The following DERA variants were observed in gnomAD, a reference collection of about 807,000 sequenced individuals.
DERA encodes the protein 2-deoxy-D-ribose 5-phosphate aldolase.
DERA carries 15 observed loss-of-function variants against 41.1 expected under a neutral mutation model. The observed-to-expected ratio is 0.37, with a 90% CI of 0.24 to 0.56. The LOEUF is 0.56. Among genes scored for constraint, DERA ranks in the 20% least tolerant of loss-of-function variants. The pLI is 0.81. For missense variants in DERA, 396 were observed against 403.4 expected, an observed-to-expected ratio of 0.98 and a Z score of 0.16; for synonymous variants, 139 against 137.4, an observed-to-expected ratio of 1.01 and a Z score of -0.08.
At chr12:15,930,960 A>C (rs554765346) in intron 1 of DERA, among the ~76,000 whole-genome samples, 1 of 152,224 alleles carries the variant, frequency 6.6e-6, no homozygotes, top group South Asian at 2.1e-4. Context: ...TTTCAGGAAA[A>C]ATAGGTACAG....
At chr12:15,977,631 T>C (rs1046475310) in intron 5 of DERA, among the ~76,000 whole-genome samples, 6 of 152,112 alleles carry the variant, frequency 3.9e-5, no homozygotes, top group African/African-American at 1.4e-4. Context: ...ATTTTTTGCA[T>C]TTTTTTAGTA....
intron 6 of DERA, among the ~76,000 whole-genome samples, chr12:16,024,654 C>A (rs1949041448): frequency 6.6e-6 from 1 of 152,172 alleles, no homozygotes; most frequent in African/African-American, 2.4e-5. Context: ...TGTATTTTAG[C>A]TCTGTCAGCT....
chr12:16,010,642 T>G lies in DERA; in HGVS notation c.638-21900T>G, dbSNP rs369107016. ...ATGAACAGAAGGAGAGAGGCTGCAT[T>G]GTCTCTATAAGTGGTTAGTAAGTGG... On this transcript the variant is annotated intron_variant, in intron 6 of 8. Transcript: ENST00000428559. This position sits in a 1 kb window ranked among gnomAD's most constrained non-coding sequence, Gnocchi z 5.5. Among the ~76,000 whole-genome samples, 1 of 152,042 alleles carries G rather than the reference T, an allele frequency of 6.6e-6. No homozygotes were observed. The highest frequency in any genetic ancestry group is 1.9e-4 in the East Asian group (1 of 5,180).
intron 6 of DERA, among the ~76,000 whole-genome samples, chr12:16,007,175 G>GT (rs760931310): frequency 0.018 from 2,329 of 128,238 alleles, 9 homozygotes; most frequent in East Asian, 0.053. Context: ...GGGTTTTTTT[G>GT]TTTTTTTTTT....
At position 15,996,328 on chromosome 12, in the gene DERA, G is replaced by A. The variant is rs1948837475; in HGVS notation, c.637+13892G>A. The stretch of plus-strand genomic sequence containing the variant: ...TTAGATGGCCTTAAGCAACAGAAAT[G>A]TGTTCTTAAGGTTCTGGAGGCCAGA... On this transcript the variant is annotated intron_variant, in intron 6 of 8. Coordinates refer to ENST00000428559, the MANE Select transcript of DERA (RefSeq NM_015954.4). The surrounding 1 kb of genome is among the most constrained non-coding windows in gnomAD (Gnocchi z 4.7). 6.6e-6 allele frequency among the ~76,000 whole-genome samples: 1 copy of A among 152,088 alleles called. No homozygotes were observed. The highest frequency in any genetic ancestry group is 1.5e-5 in the Non-Finnish European group (1 of 68,016).
intron 1 of DERA, among the ~76,000 whole-genome samples, chr12:15,914,552 T>G (rs993996834): frequency 6.6e-6 from 1 of 152,176 alleles, no homozygotes; most frequent in Non-Finnish European, 1.5e-5. Context: ...GTAAGTATTA[T>G]TAAGATTCAG....
chr12:16,028,325 G>T (rs144013732), intron 6 of DERA, among the ~76,000 whole-genome samples: 2 of 152,316 alleles, frequency 1.3e-5, no homozygotes, highest in African/African-American at 4.8e-5. Context: ...AGCTGGAACC[G>T]TGTGAACAAT....
intron 1 of DERA, among the ~76,000 whole-genome samples, chr12:15,948,634 G>A (rs1315523316): frequency 6.6e-6 from 1 of 152,008 alleles, no homozygotes; most frequent in African/African-American, 2.4e-5. Flanking sequence ...TCTTCTTTGC[G>A]ACTGGTCGAA....
rs1241471028 is a variant in DERA, at chr12:16,024,075, C to T, written c.638-8467C>T. Among the ~76,000 whole-genome samples the T allele has an allele frequency of 2.0e-5, 3 of 151,970 alleles. No homozygotes were observed. The East Asian group carries it at 5.8e-4, about 29-fold the overall frequency. ...AAAATCAGTGACCTTAAAGATAGGT[C>T]AATAGAAACTTCTTAAACTGAAATG... On this transcript the variant is annotated intron_variant, in intron 6 of 8. Transcript: ENST00000428559.
rs11056713 is a variant in DERA, at chr12:15,918,642, C to T, written c.31+7228C>T. The stretch of plus-strand genomic sequence containing the variant: ...TGCTGTTCCTGGCACTTGTTACTTG[C>T]TGCTCATGGTCATGGCAGGGATGCC... On this transcript the variant is annotated intron_variant, in intron 1 of 8. Coordinates refer to ENST00000428559, the MANE Select transcript of DERA (RefSeq NM_015954.4). This position sits in a 1 kb window ranked among gnomAD's most constrained non-coding sequence, Gnocchi z 4.3. 0.083 allele frequency among the ~76,000 whole-genome samples: 12,703 copies of T among 152,224 alleles called. 1,766 individuals are homozygous for T. Among genetic ancestry groups the T allele is most frequent in the African/African-American group, 0.28 (11,792 of 41,480 alleles).
rs772254401 is a variant in DERA, at chr12:15,924,923, C to T, written c.31+13509C>T. ...GCTTGAGGGTAGGATCTGTGCTTAT[C>T]GGGCGTCTGTATCACTTATGTCACC... On this transcript the variant is annotated intron_variant, in intron 1 of 8. Transcript: ENST00000428559. This position sits in a 1 kb window ranked among gnomAD's most constrained non-coding sequence, Gnocchi z 5.0. 1.4e-4 allele frequency among the ~76,000 whole-genome samples: 22 copies of T among 152,258 alleles called. No individual in the cohort carries two copies. Among genetic ancestry groups the T allele is most frequent in the Admixed American group, 9.1e-4 (14 of 15,302 alleles).
Position 16,037,117 on chromosome 12 carries a change from C to T in DERA, c.*371C>T, listed in dbSNP as rs1195542516. 5 of 184,960 alleles carry T rather than the reference C, an allele frequency of 2.7e-5. No individual in the cohort carries two copies. The highest frequency in any genetic ancestry group is 1.7e-4 in the East Asian group (1 of 5,718). 11.5% of individuals were successfully genotyped at this position (184,960 alleles called of 1,614,324 possible). On this transcript the variant is annotated 3_prime_UTR_variant, in exon 9 of 9. Transcript: ENST00000428559. This position sits in a 1 kb window ranked among gnomAD's most constrained non-coding sequence, Gnocchi z 6.7. ...AGAGGAAAATGCAACATCTCGCAAG[C>T]GCTGCTGTAACGACTTCAGGAGTCA...
chr12:15,960,636 CAAAAAAA>C (rs1163104277), intron 4 of DERA, among the ~76,000 whole-genome samples: 181 of 28,704 alleles, frequency 6.3e-3, no homozygotes, highest in African/African-American at 0.022. Context: ...GACTCCGTCT[CAAAAAAA>C]AAAAAAAAAA....
At position 15,928,860 on chromosome 12, in the gene DERA, C is replaced by A. The variant is rs1004995709; in HGVS notation, c.31+17446C>A. On this transcript the variant is annotated intron_variant, in intron 1 of 8. Coordinates refer to ENST00000428559, the MANE Select transcript of DERA (RefSeq NM_015954.4). This position sits in a 1 kb window ranked among gnomAD's most constrained non-coding sequence, Gnocchi z 4.6. ...GTTGTGGGGAGCCTTTTGGGTGTCC[C>A]TGAAATCTTGCCATTTTGACTTCTG... 3.3e-5 allele frequency among the ~76,000 whole-genome samples: 5 copies of A among 152,140 alleles called. No individual in the cohort carries two copies. Among genetic ancestry groups the A allele is most frequent in the Admixed American group, 6.5e-5 (1 of 15,270 alleles).
chr12:16,024,189 A>C (rs1304700160), intron 6 of DERA, among the ~76,000 whole-genome samples: 2 of 152,246 alleles, frequency 1.3e-5, no homozygotes, highest in Admixed American at 1.3e-4. Context: ...CATATGGTGT[A>C]TAATTGGAAT....
Position 15,954,287 on chromosome 12 carries a change from C to T in DERA, c.32-2649C>T, listed in dbSNP as rs1268929891. Among the ~76,000 whole-genome samples the T allele has an allele frequency of 5.9e-5, 9 of 152,106 alleles. No individual in the cohort carries two copies. The highest frequency in any genetic ancestry group is 8.8e-5 in the Non-Finnish European group (6 of 68,002). Reference sequence around the variant, plus strand: ...CTCGACTTATTTATCGTATGCCACCCGTGCGTCAGGTCCTTCGCTTGGAGT... The same window carrying T: ...CTCGACTTATTTATCGTATGCCACCTGTGCGTCAGGTCCTTCGCTTGGAGT... On this transcript the variant is annotated intron_variant, in intron 1 of 8. Coordinates refer to ENST00000428559, the MANE Select transcript of DERA (RefSeq NM_015954.4). This position sits in a 1 kb window ranked among gnomAD's most constrained non-coding sequence, Gnocchi z 4.0.
At chr12:15,916,581 G>T (rs1489030474) in intron 1 of DERA, among the ~76,000 whole-genome samples, 1 of 151,388 alleles carries the variant, frequency 6.6e-6, no homozygotes, top group Non-Finnish European at 1.5e-5. Flanking sequence ...CTTCTGAGTA[G>T]CTGGGATTAC....
At position 16,012,536 on chromosome 12, in the gene DERA, G is replaced by T. The variant is rs980418511; in HGVS notation, c.638-20006G>T. On this transcript the variant is annotated intron_variant, in intron 6 of 8. Coordinates refer to ENST00000428559, the MANE Select transcript of DERA (RefSeq NM_015954.4). This position sits in a 1 kb window ranked among gnomAD's most constrained non-coding sequence, Gnocchi z 4.1. The stretch of plus-strand genomic sequence containing the variant: ...TTACTTACAGATCTTTTGCATTGCT[G>T]AGTGAAATATTCAAATTTGGGAGCA... Among the ~76,000 whole-genome samples, 1 of 152,186 alleles carries T rather than the reference G, an allele frequency of 6.6e-6. No individual in the cohort carries two copies. Among genetic ancestry groups the T allele is most frequent in the Non-Finnish European group, 1.5e-5 (1 of 68,022 alleles).
At position 15,938,646 on chromosome 12, in the gene DERA, G is replaced by A. The variant is rs368918606; in HGVS notation, c.32-18290G>A. Among the ~76,000 whole-genome samples the A allele has an allele frequency of 4.6e-5, 7 of 152,142 alleles. No individual in the cohort carries two copies. The highest frequency in any genetic ancestry group is 1.7e-4 in the African/African-American group (7 of 41,442). On this transcript the variant is annotated intron_variant, in intron 1 of 8. Coordinates refer to ENST00000428559, the MANE Select transcript of DERA (RefSeq NM_015954.4). This position sits in a 1 kb window ranked among gnomAD's most constrained non-coding sequence, Gnocchi z 4.1. ...AGTGTTGAGATACTTGGTAAATTTAGCACATTCTATAAATGGAGGATATTT... is the reference window on the plus strand; with the variant it reads ...AGTGTTGAGATACTTGGTAAATTTAACACATTCTATAAATGGAGGATATTT...
Sources: allele counts gnomAD v4.1 joint callset (sites outside exome capture counted in the v4.1 genomes callset), GRCh38; gene constraint gnomAD v4.1.1; non-coding constraint Gnocchi (gnomAD v3.1); transcripts MANE v1.5; gene names NCBI Gene and HGNC (gene_info 2026-07-23, HGNC 2026-07-21).